Variants in SGCZ observed in about 807,000 individuals in gnomAD.
The protein encoded by SGCZ is sarcoglycan zeta.
SGCZ carries 40 observed loss-of-function variants against 41.3 expected under a neutral mutation model. That is an observed-to-expected ratio of 0.97 (90% confidence interval 0.75 to 1.26). The LOEUF (loss-of-function observed/expected upper bound fraction) is 1.26. SGCZ is among the 50% of genes most tolerant of loss of function. The pLI is 0.00. For synonymous variants in SGCZ, 206 were observed against 137.5 expected (o/e 1.50, Z -3.49); for missense variants, 552 against 369.8 (o/e 1.49, Z -4.04).
At chr8:14,756,239 G>A (rs1799661786) in intron 1 of SGCZ, among the ~76,000 whole-genome samples, 1 of 147,326 alleles carries the variant, frequency 6.8e-6, no homozygotes, top group Non-Finnish European at 1.5e-5. Flanking sequence ...AGCTGGGAGT[G>A]CAATGGAACT....
chr8:14,357,585 C>A (rs940718367), intron 2 of SGCZ, among the ~76,000 whole-genome samples: 1 of 152,134 alleles, frequency 6.6e-6, no homozygotes, highest in Non-Finnish European at 1.5e-5. Flanking sequence ...GGACTCGCTA[C>A]CTCCACGTAA....
intron 1 of SGCZ, among the ~76,000 whole-genome samples, chr8:14,682,275 T>C (rs899576671): frequency 6.6e-6 from 1 of 152,172 alleles, no homozygotes; most frequent in African/African-American, 2.4e-5. Flanking sequence ...ATTTCATTTT[T>C]GAATATAAGA....
At chr8:14,552,765 G>C (rs955231539) in intron 2 of SGCZ, among the ~76,000 whole-genome samples, 2 of 152,004 alleles carry the variant, frequency 1.3e-5, no homozygotes, top group African/African-American at 2.4e-5. Context: ...AGTATTGGGA[G>C]TCTGATGCAT....
chr8:14,874,692 A>C (rs775798723), intron 1 of SGCZ, among the ~76,000 whole-genome samples: 6 of 152,060 alleles, frequency 3.9e-5, no homozygotes, highest in African/African-American at 1.4e-4. Context: ...GTGATGTGCT[A>C]TCTTCAGTGA....
At chr8:14,575,868 TGCACTCCA>T (rs1327721066) in intron 1 of SGCZ, among the ~76,000 whole-genome samples, 58 of 134,350 alleles carry the variant, frequency 4.3e-4, no homozygotes, top group African/African-American at 1.7e-3. Flanking sequence ...AATGTGCCAT[TGCACTCCA>T]GCCTGGGCAA....
intron 3 of SGCZ, among the ~76,000 whole-genome samples, chr8:14,310,583 T>C (rs1006270336): frequency 7.9e-5 from 12 of 152,176 alleles, no homozygotes; most frequent in African/African-American, 2.9e-4. Flanking sequence ...TTACTTAGGT[T>C]ATTTTGCTTT....
In SGCZ at chr8:14,544,299, G is replaced by C. The variant is rs371549426; in HGVS notation, c.234+10433C>G. On this transcript the variant is annotated intron_variant, in intron 2 of 7. Transcript: ENST00000382080. Reference sequence around the variant, plus strand: ...CCTCAGAACCACTGTGATAACTGTGGTAACTGTACAAATTGATTGTAAAAC... The same window carrying C: ...CCTCAGAACCACTGTGATAACTGTGCTAACTGTACAAATTGATTGTAAAAC... Among the ~76,000 whole-genome samples the C allele has an allele frequency of 1.9e-3, 286 of 152,162 alleles. 1 individual carries two copies. The highest frequency in any genetic ancestry group is 6.6e-3 in the African/African-American group (276 of 41,520).
chr8:15,015,285 T>G (rs1205368579), intron 1 of SGCZ, among the ~76,000 whole-genome samples: 1 of 151,938 alleles, frequency 6.6e-6, no homozygotes, highest in Non-Finnish European at 1.5e-5. Flanking sequence ...ATAAAGTGTT[T>G]ATAATTAGAC....
intron 1 of SGCZ, among the ~76,000 whole-genome samples, chr8:14,589,361 A>C (rs1805168377): frequency 6.8e-6 from 1 of 147,528 alleles, no homozygotes; most frequent in Admixed American, 6.8e-5. Flanking sequence ...AAAAAAAAAA[A>C]ATAGAAATTT....
intron 1 of SGCZ, among the ~76,000 whole-genome samples, chr8:15,138,497 C>T (rs1206553441): frequency 6.6e-6 from 1 of 152,042 alleles, no homozygotes; most frequent in Non-Finnish European, 1.5e-5. Flanking sequence ...CTCCCATAAT[C>T]CCCACGGGTC....
chr8:14,913,263 T>TAAA, intron 1 of SGCZ, among the ~76,000 whole-genome samples: 1 of 152,148 alleles, frequency 6.6e-6, no homozygotes, highest in Non-Finnish European at 1.5e-5. Context: ...AATTATATAA[T>TAAA]AAATGCAGAT....
chr8:14,234,482 A>C (rs1806685107), intron 4 of SGCZ, among the ~76,000 whole-genome samples: 1 of 152,100 alleles, frequency 6.6e-6, no homozygotes, highest in Non-Finnish European at 1.5e-5. Context: ...ATGTTTTTAG[A>C]ATTGACTATA....
chr8:14,806,212 G>A (rs1012836857), intron 1 of SGCZ, among the ~76,000 whole-genome samples: 1 of 151,720 alleles, frequency 6.6e-6, no homozygotes, highest in South Asian at 2.1e-4. Flanking sequence ...CTAGCAGAAG[G>A]CAAGAAATAA....
chr8:15,076,421 G>A (rs1805533112), intron 1 of SGCZ, among the ~76,000 whole-genome samples: 1 of 152,154 alleles, frequency 6.6e-6, no homozygotes, highest in Admixed American at 6.5e-5. Context: ...AAGAGTTTGA[G>A]ATTAATAGCA....
chr8:14,641,765 G>A (rs948831671), intron 1 of SGCZ, among the ~76,000 whole-genome samples: 8 of 151,498 alleles, frequency 5.3e-5, no homozygotes, highest in South Asian at 2.1e-4. Context: ...ACTTTCTAGC[G>A]TATGGGCTAG....
chr8:14,102,366 TG>T lies in SGCZ; in HGVS notation c.744+9del. 2 of 1,471,898 alleles carry T rather than the reference TG, an allele frequency of 1.4e-6. No homozygotes were observed. The highest frequency in any genetic ancestry group is 9.1e-7 in the Non-Finnish European group (1 of 1,095,206). 91.2% of individuals were successfully genotyped at this position (1,471,898 alleles called of 1,614,324 possible). A position where few individuals can be genotyped will look rare whatever the true frequency, so the allele number is the denominator to read the frequency against. On this transcript the variant is annotated intron_variant, in intron 7 of 7. Transcript: ENST00000382080. ...AGTATAGGGCGAGGGTCCAACTTTC[TG>T]GGACTCACCTCCCCTTCTGTAGATT...
At chr8:15,179,493 C>G (rs1457223) in intron 1 of SGCZ, among the ~76,000 whole-genome samples, 1 of 151,942 alleles carries the variant, frequency 6.6e-6, no homozygotes, top group African/African-American at 2.4e-5. Flanking sequence ...TCAAGATGTT[C>G]TGATAATTAC....
rs1170195312 is a variant in SGCZ at position 14,302,469 on chromosome 8, T to G, written c.336+21634A>C. ...TGTTTCATACTTTAATTTTCCTACT[T>G]CTCTGATGGTCATTCCTTAAAGCCA... On this transcript the variant is annotated intron_variant, in intron 3 of 7. Transcript: ENST00000382080. Among the ~76,000 whole-genome samples, 2 of 152,084 alleles carry G rather than the reference T, an allele frequency of 1.3e-5. 1 individual carries two copies. The highest frequency in any genetic ancestry group is 1.3e-4 in the Admixed American group (2 of 15,250).
chr8:14,968,384 G>T (rs1249851919), intron 1 of SGCZ, among the ~76,000 whole-genome samples: 1 of 152,046 alleles, frequency 6.6e-6, no homozygotes, highest in Non-Finnish European at 1.5e-5. Context: ...GACATAGAAG[G>T]AAAAGAGGAA....
Sources: gnomAD v4.1 joint callset for allele counts (sites outside exome capture counted in the v4.1 genomes callset) on GRCh38, gnomAD v4.1.1 for gene constraint, MANE v1.5 for transcripts, NCBI Gene and HGNC (gene_info 2026-07-23, HGNC 2026-07-21) for gene names.